PODXL: variants seen among roughly 807,000 people sequenced by gnomAD.
PODXL encodes the protein podocalyxin.
PODXL carries 20 observed loss-of-function variants against 48.9 expected under a neutral mutation model. The observed-to-expected ratio is 0.41, with a 90% confidence interval of 0.29 to 0.59. The LOEUF (loss-of-function observed/expected upper bound fraction) is 0.59, where lower values mean the gene tolerates loss of function less well. Among genes scored for constraint, PODXL ranks in the 20% least tolerant of loss-of-function variants. PODXL has a pLI of 0.31. For synonymous variants in PODXL, 295 were observed against 287.4 expected, an observed-to-expected ratio of 1.03 and a Z score of -0.27; for missense variants, 606 against 675.1, an observed-to-expected ratio of 0.90 and a Z score of 1.13.
intron 5 of PODXL, chr7:131,507,060 C>T (rs1430370413): frequency 3.6e-6 from 1 of 275,576 alleles, no homozygotes; most frequent in African/African-American, 2.2e-5. Flanking sequence ...TTTTCATCTC[C>T]CTCCCTAGAA....
intron 1 of PODXL, among the ~76,000 whole-genome samples, 166 bp downstream of exon 1, chr7:131,556,094 G>A (rs1029502911): frequency 1.3e-5 from 2 of 152,232 alleles, no homozygotes; most frequent in South Asian, 4.1e-4. Context: ...GCGGAGTTTG[G>A]AGGGGGCGTG....
chr7:131,517,854 T>C (rs2116806568), intron 1 of PODXL, among the ~76,000 whole-genome samples: 1 of 152,226 alleles, frequency 6.6e-6, no homozygotes, highest in African/African-American at 2.4e-5. Context: ...TTCTCCTGCC[T>C]CAGCCTCCCA....
At chr7:131,529,952 G>GTCATTTCA (rs1798249463) in intron 1 of PODXL, among the ~76,000 whole-genome samples, 2 of 32,870 alleles carry the variant, frequency 6.1e-5, no homozygotes, top group Non-Finnish European at 3.8e-4. Context: ...GGTATAGGCG[G>GTCATTTCA]GAGGGCTTGC....
At chr7:131,550,150 G>A (rs1047946313) in intron 1 of PODXL, among the ~76,000 whole-genome samples, 2 of 152,240 alleles carry the variant, frequency 1.3e-5, no homozygotes, top group African/African-American at 4.8e-5. Context: ...GGAAATGACA[G>A]GGGGTCCTCA....
chr7:131,551,155 C>T lies in PODXL; in HGVS notation c.100+5105G>A, dbSNP rs73157545. ...AGGCTTTTCTTATAGAGAATGCCCC[C>T]GTCATTTGGCCTGTGCAGGGTAGGA... On this transcript the variant is annotated intron_variant, in intron 1 of 8. Coordinates refer to ENST00000378555, the MANE Select transcript of PODXL (RefSeq NM_001018111.3). Among the ~76,000 whole-genome samples, 214 of 152,272 alleles carry T rather than the reference C, an allele frequency of 1.4e-3. 1 individual carries two copies. The highest frequency in any genetic ancestry group is 7.5e-3 in the South Asian group (36 of 4,820).
In PODXL at chr7:131,529,216, G is replaced by A. The variant is rs147525197; in HGVS notation, c.101-17783C>T. Among the ~76,000 whole-genome samples, 1,029 of 152,248 alleles carry A rather than the reference G, an allele frequency of 6.8e-3. 7 individuals carry two copies. Among genetic ancestry groups the A allele is most frequent in the Non-Finnish European group, 0.011 (782 of 68,022 alleles). The stretch of plus-strand genomic sequence containing the variant: ...AAGTCTTTGGTGAGTGATGGACAGG[G>A]CTGAAGAGGTCAGTACATCACAGCA... On this transcript the variant is annotated intron_variant, in intron 1 of 8. Transcript: ENST00000378555.
chr7:131,501,852 GGCAAGA>G lies in PODXL; in HGVS notation c.*2453_*2458del, dbSNP rs1797708667. On this transcript the variant is annotated 3_prime_UTR_variant, in exon 9 of 9. Transcript: ENST00000378555. ...GGCCTGTTGACATAGGTGTCCTGGT[GGCAAGA>G]GCAAGGCAAGGTGTCAGATTCTGAA... The G allele has an allele frequency of 6.6e-6, 1 of 152,300 alleles. No individual in the cohort carries two copies. The highest frequency in any genetic ancestry group is 2.1e-4 in the South Asian group (1 of 4,830). The allele number at this position is 152,300 out of a possible 1,614,324, so 9.4% of individuals were successfully genotyped here. A position where few individuals can be genotyped will look rare whatever the true frequency, so the allele number is the denominator to read the frequency against.
intron 1 of PODXL, among the ~76,000 whole-genome samples, chr7:131,544,653 TACTAC>T (rs1798540275): frequency 6.0e-5 from 1 of 16,606 alleles, no homozygotes; most frequent in Non-Finnish European, 7.1e-4. Flanking sequence ...GCACGCCCTG[TACTAC>T]GCACGCACGC....
intron 3 of PODXL, 103 bp from the exon 4 acceptor site, chr7:131,509,688 T>G: frequency 1.3e-6 from 1 of 752,032 alleles, no homozygotes; most frequent in Non-Finnish European, 2.1e-6. Context: ...TCTTTGGTCT[T>G]ACCTCCCACA....
At chr7:131,543,377 C>T (rs181310814) in intron 1 of PODXL, among the ~76,000 whole-genome samples, 187 of 152,222 alleles carry the variant, frequency 1.2e-3, no homozygotes, top group Non-Finnish European at 1.0e-4. Flanking sequence ...CCTCCTGCCT[C>T]GGCCTCCCAA....
In PODXL at chr7:131,506,606, C is replaced by T. The variant is rs770679315; in HGVS notation, c.1222G>A (p.Val408Met). 15 of 1,614,062 alleles carry T rather than the reference C, an allele frequency of 9.3e-6. No homozygotes were observed. Among genetic ancestry groups the T allele is most frequent in the Admixed American group, 5.0e-5 (3 of 60,008 alleles). Residue 408 changes from valine (V) to methionine (M), a missense_variant, in exon 6 of 9, where the codon GTG becomes ATG. Transcript: ENST00000378555. ...TGAATAGTGATTTCTTTGACGACCA[C>T]GGTCTGACTTCCTGGAACAGATGCC... The part of the protein sequence containing the change: ...RLASVPGSQT[V>M]VVKEITIHTK...
intron 1 of PODXL, among the ~76,000 whole-genome samples, chr7:131,518,730 G>A (rs1348407664): frequency 6.6e-6 from 1 of 152,178 alleles, no homozygotes; most frequent in East Asian, 1.9e-4. Flanking sequence ...GGTGAATAAA[G>A]CATCCTGGAA....
Position 131,500,690 on chromosome 7 carries a change from A to ACAT in PODXL, c.*3618_*3620dup, listed in dbSNP as rs1797686078. 1.3e-5 allele frequency: 2 copies of ACAT among 152,236 alleles called. No homozygotes were observed. The allele number at this position is 152,236 out of a possible 1,614,324, so 9.4% of individuals were successfully genotyped here. ...GGCAGAAAGAAAGAATTGTTCACTT[A>ACAT]CATCTTAAACCTAAATGATTCAGAG... is the stretch of plus-strand genomic sequence containing the variant. On this transcript the variant is annotated 3_prime_UTR_variant, in exon 9 of 9. Coordinates refer to ENST00000378555, the MANE Select transcript of PODXL (RefSeq NM_001018111.3).
intron 1 of PODXL, among the ~76,000 whole-genome samples, chr7:131,526,285 C>T (rs1209821325): frequency 3.9e-5 from 6 of 152,130 alleles, no homozygotes; most frequent in Admixed American, 2.6e-4. Context: ...GGAAAGAGCT[C>T]ATAATGGCCA....
rs750866270 is a variant in PODXL at position 131,509,552 on chromosome 7, G to T, written c.836C>A (p.Thr279Asn). 5 of 1,585,538 alleles carry T rather than the reference G, an allele frequency of 3.2e-6. No homozygotes were observed. The African/African-American group carries it at 6.8e-5, about 22-fold the overall frequency. ...SSVISQRTQQ[T>N]SSQMPASSTA... ...AGAGCTGGCTGGCATCTGACTGGAG[G>T]TCTGTTGAGTTCTTTGCGAGATAAC... Residue 279 changes from threonine to asparagine, a missense_variant, in exon 4 of 9, where the codon ACC becomes AAC. By Grantham distance (65) the Thr-to-Asn change is moderately conservative. Transcript: ENST00000378555.
chr7:131,545,479 T>C (rs1191858152), intron 1 of PODXL, among the ~76,000 whole-genome samples: 2 of 152,238 alleles, frequency 1.3e-5, no homozygotes, highest in Non-Finnish European at 2.9e-5. Flanking sequence ...TACTGGGTAA[T>C]CTGGGACAGT....
At chr7:131,551,691 C>T (rs550088710) in intron 1 of PODXL, among the ~76,000 whole-genome samples, 1 of 152,032 alleles carries the variant, frequency 6.6e-6, no homozygotes, top group East Asian at 1.9e-4. Flanking sequence ...GATCCCAGCA[C>T]TTTGGGAGGC....
rs371211531 is a variant in PODXL, at chr7:131,547,304, C to T, written c.100+8956G>A. Among the ~76,000 whole-genome samples, 12 of 127,934 alleles carry T rather than the reference C, an allele frequency of 9.4e-5. No individual in the cohort carries two copies. In the South Asian group the frequency reaches 2.6e-3, roughly 28 times the overall value. 83.9% of individuals were successfully genotyped at this position (127,934 alleles called of 152,430 possible). A position where few individuals can be genotyped will look rare whatever the true frequency, so the allele number is the denominator to read the frequency against. On this transcript the variant is annotated intron_variant, in intron 1 of 8. Coordinates refer to ENST00000378555, the MANE Select transcript of PODXL (RefSeq NM_001018111.3). Reference sequence around the variant, plus strand: ...AGGAGAATCACTTGAACCCGGGAGGCGGAGGTAGTGGTGACCCAAGATTGC... The same window carrying T: ...AGGAGAATCACTTGAACCCGGGAGGTGGAGGTAGTGGTGACCCAAGATTGC...
At chr7:131,526,535 T>C (rs1798188943) in intron 1 of PODXL, among the ~76,000 whole-genome samples, 1 of 149,248 alleles carries the variant, frequency 6.7e-6, no homozygotes. Flanking sequence ...CCTAAGAACA[T>C]CTGAAAATGT....
Sources: allele counts gnomAD v4.1 joint callset (sites outside exome capture counted in the v4.1 genomes callset), GRCh38; gene constraint gnomAD v4.1.1; transcripts MANE v1.5; gene names NCBI Gene and HGNC (gene_info 2026-07-23, HGNC 2026-07-21).